Variants in CLDN1 observed in about 807,000 individuals in gnomAD.
CLDN1 encodes the protein claudin 1, also known as claudin-1.
CLDN1 carries 12 observed loss-of-function variants against 22.6 expected under a neutral mutation model. The observed-to-expected ratio is 0.53, with a 90% CI of 0.34 to 0.86. CLDN1 has a LOEUF of 0.86. Among genes scored for constraint, CLDN1 ranks in the 40% least tolerant of loss-of-function variants. CLDN1 has a pLI of 0.02. For missense variants in CLDN1, 250 were observed against 269.5 expected (o/e 0.93, Z 0.51); for synonymous variants, 99 against 103.8 (o/e 0.95, Z 0.28).
intron 1 of CLDN1, among the ~76,000 whole-genome samples, chr3:190,320,843 C>T (rs955214818): frequency 6.6e-6 from 1 of 152,072 alleles, no homozygotes; most frequent in Non-Finnish European, 1.5e-5. Context: ...ATAACAGACA[C>T]ATGATATAAG....
At position 190,305,862 on chromosome 3, in the gene CLDN1, G is replaced by A. The variant is rs1716436511; in HGVS notation, c.*2415C>T. The A allele has an allele frequency of 6.6e-6, 1 of 152,108 alleles. No homozygotes were observed. The highest frequency in any genetic ancestry group is 1.5e-5 in the Non-Finnish European group (1 of 68,016). 9.4% of individuals were successfully genotyped at this position (152,108 alleles called of 1,614,324 possible). On this transcript the variant is annotated 3_prime_UTR_variant, in exon 4 of 4. Transcript: ENST00000295522. ...TAAATTCTATTGTAACAATTTCGTT[G>A]GTCATTTTGGGCCATAAAATTTTTT...
intron 1 of CLDN1, among the ~76,000 whole-genome samples, chr3:190,317,962 T>C (rs1303237370): frequency 6.6e-6 from 1 of 152,216 alleles, no homozygotes; most frequent in Non-Finnish European, 1.5e-5. Flanking sequence ...ATTGGGTGAC[T>C]AGAACAAAAA....
chr3:190,313,584 C>T (rs1310572150), intron 1 of CLDN1, among the ~76,000 whole-genome samples: 3 of 152,070 alleles, frequency 2.0e-5, no homozygotes, highest in Non-Finnish European at 4.4e-5. Flanking sequence ...GTATTTGTAT[C>T]TCCAGTGATG....
At chr3:190,313,074 T>C (rs1210916818) in intron 1 of CLDN1, 38 bp from the exon 2 acceptor site, 3 of 1,612,816 alleles carry the variant, frequency 1.9e-6, no homozygotes, top group Admixed American at 3.3e-5. Flanking sequence ...AAAATATGCT[T>C]GGACCAACAA....
chr3:190,308,187 C>T lies in CLDN1; in HGVS notation c.*90G>A, dbSNP rs757057660. ...TAATACCATACTTCAGATTACAATACCCAAAATTCTAAGGTCCTAATGTTA... is the reference window on the plus strand; with the variant it reads ...TAATACCATACTTCAGATTACAATATCCAAAATTCTAAGGTCCTAATGTTA... On this transcript the variant is annotated 3_prime_UTR_variant, in exon 4 of 4. Transcript: ENST00000295522. 12 of 1,481,026 alleles carry T rather than the reference C, an allele frequency of 8.1e-6. No individual in the cohort carries two copies. The highest frequency in any genetic ancestry group is 5.0e-5 in the Admixed American group (3 of 59,672). 91.7% of individuals were successfully genotyped at this position (1,481,026 alleles called of 1,614,324 possible).
chr3:190,322,287 C>T lies in CLDN1; in HGVS notation c.-81G>A. ...TTTGCAGGTGGGCAACCCGGACTCCCGAAGGTGGCTGGGCCCCGCGGAGGA... is the reference window on the plus strand; with the variant it reads ...TTTGCAGGTGGGCAACCCGGACTCCTGAAGGTGGCTGGGCCCCGCGGAGGA... On this transcript the variant is annotated 5_prime_UTR_variant, in exon 1 of 4. Coordinates refer to ENST00000295522, the MANE Select transcript of CLDN1 (RefSeq NM_021101.5). 5.5e-6 allele frequency: 7 copies of T among 1,269,358 alleles called. No individual in the cohort carries two copies. The highest frequency in any genetic ancestry group is 7.9e-6 in the Non-Finnish European group (7 of 886,260). 78.6% of individuals were successfully genotyped at this position (1,269,358 alleles called of 1,614,324 possible). A position where few individuals can be genotyped will look rare whatever the true frequency, so the allele number is the denominator to read the frequency against.
intron 1 of CLDN1, among the ~76,000 whole-genome samples, chr3:190,313,982 G>A (rs1213527840): frequency 6.6e-6 from 1 of 152,110 alleles, no homozygotes. Flanking sequence ...CTAGATTTAT[G>A]TCCTCCTTTA....
At chr3:190,310,330 C>T in intron 2 of CLDN1, 77 bp from the exon 3 acceptor site, 1 of 1,100,562 alleles carries the variant, frequency 9.1e-7, no homozygotes, top group Non-Finnish European at 1.4e-6. Context: ...TAAACCAAAA[C>T]ATATTTTGCA....
intron 1 of CLDN1, among the ~76,000 whole-genome samples, chr3:190,316,243 C>T (rs1178622400): frequency 5.3e-5 from 8 of 152,042 alleles, no homozygotes; most frequent in Admixed American, 3.3e-4. Flanking sequence ...TTTAAAATGT[C>T]GTTTTGCAAA....
intron 1 of CLDN1, among the ~76,000 whole-genome samples, chr3:190,316,418 C>T (rs1189117116): frequency 6.6e-6 from 1 of 152,098 alleles, no homozygotes; most frequent in Admixed American, 6.6e-5. Flanking sequence ...AAATAATATA[C>T]ACATGTAGTC....
chr3:190,317,544 A>G (rs1716802954), intron 1 of CLDN1, among the ~76,000 whole-genome samples: 1 of 152,236 alleles, frequency 6.6e-6, no homozygotes, highest in Non-Finnish European at 1.5e-5. Flanking sequence ...TAAAGCTTGA[A>G]AGTCTTGCTA....
At chr3:190,317,127 C>T (rs1716790652) in intron 1 of CLDN1, among the ~76,000 whole-genome samples, 1 of 152,114 alleles carries the variant, frequency 6.6e-6, no homozygotes, top group South Asian at 2.1e-4. Context: ...TATAGCCTTG[C>T]AATATTAACT....
chr3:190,312,458 C>A (rs184545314), intron 2 of CLDN1, among the ~76,000 whole-genome samples: 2 of 152,306 alleles, frequency 1.3e-5, no homozygotes, highest in Non-Finnish European at 2.9e-5. Context: ...CCAATAATCC[C>A]AATCCTTCCA....
intron 1 of CLDN1, among the ~76,000 whole-genome samples, chr3:190,321,358 A>G (rs746286): frequency 0.29 from 44,330 of 151,964 alleles, 6,738 homozygotes; most frequent in East Asian, 0.57. Context: ...ACTTCGGGGG[A>G]ATCTCAAGCA....
In CLDN1 at chr3:190,308,399, C is replaced by T; in HGVS notation, c.514G>A (p.Ala172Thr). The change falls in exon 4 of 4, where the codon GCT (alanine) becomes ACT (threonine). Residue 172 changes from alanine (A) to threonine (T), a missense_variant. Physicochemically the swap from Ala to Thr is moderately conservative, Grantham distance 58. Transcript: ENST00000295522. ...GCACCTCCCAGAAGGCAGAGAGAAG[C>T]AGCAGCCCAGCCAGTGAAGAGAGCC... is the stretch of plus-strand genomic sequence containing the variant. ...GQALFTGWAA[A>T]SLCLLGGALL... The T allele has an allele frequency of 1.7e-5, 27 of 1,613,666 alleles. No homozygotes were observed. Among genetic ancestry groups the T allele is most frequent in the Non-Finnish European group, 2.3e-5 (27 of 1,179,810 alleles).
chr3:190,322,183 C>A lies in CLDN1; in HGVS notation c.24G>T (p.Leu8=), dbSNP rs1465334500. 12 of 1,614,052 alleles carry A rather than the reference C, an allele frequency of 7.4e-6. No homozygotes were observed. The highest frequency in any genetic ancestry group is 1.0e-5 in the Non-Finnish European group (12 of 1,180,036). The change falls in exon 1 of 4, where the codon CTG becomes CTT. Residue 8 remains leucine (L), a synonymous_variant. Transcript: ENST00000295522. MANAGLQ[L]LGFILAFLGW... ...CCAGGAAGGCGAGAATGAAGCCCAA[C>A]AGCTGCAGCCCCGCGTTGGCCATGA...
At position 190,307,115 on chromosome 3, in the gene CLDN1, TA is replaced by T. The variant is rs1716475580; in HGVS notation, c.*1161del. On this transcript the variant is annotated 3_prime_UTR_variant, in exon 4 of 4. Transcript: ENST00000295522. ...ATTCACACTACCTCTTCTAACTGGT[TA>T]AGTATCATTATCTCAATTTGGCAGA... is the stretch of plus-strand genomic sequence containing the variant. 1 of 152,640 alleles carries T rather than the reference TA, an allele frequency of 6.6e-6. No homozygotes were observed. Among genetic ancestry groups the T allele is most frequent in the South Asian group, 2.1e-4 (1 of 4,830 alleles). 9.5% of individuals were successfully genotyped at this position (152,640 alleles called of 1,614,324 possible).
chr3:190,311,645 A>G (rs1199100085), intron 2 of CLDN1, among the ~76,000 whole-genome samples: 1 of 150,840 alleles, frequency 6.6e-6, no homozygotes, highest in East Asian at 1.9e-4. Flanking sequence ...TATATAATAT[A>G]TGCATCTAAT....
intron 3 of CLDN1, 29 bp downstream of exon 3, chr3:190,310,140 C>A (rs766693390): frequency 6.3e-7 from 1 of 1,585,282 alleles, no homozygotes; most frequent in South Asian, 1.1e-5. Context: ...TCTCAGAAAA[C>A]AAACTATTTT....
Sources: gnomAD v4.1 joint callset for allele counts (sites outside exome capture counted in the v4.1 genomes callset) on GRCh38, gnomAD v4.1.1 for gene constraint, MANE v1.5 for transcripts, NCBI Gene and HGNC (gene_info 2026-07-23, HGNC 2026-07-21) for gene names.